RASGRP1: variants seen among roughly 807,000 people sequenced by gnomAD.
The protein encoded by RASGRP1 is RAS guanyl releasing protein 1.
Under a neutral mutation model 95.1 loss-of-function variants are expected in RASGRP1, and 37 were observed. The observed-to-expected ratio is 0.39, with a 90% CI of 0.30 to 0.51. RASGRP1 has a LOEUF of 0.51. Ranked by LOEUF, RASGRP1 falls within the 20% of genes least tolerant of loss-of-function variation. The probability of loss-of-function intolerance (pLI) is 0.80; values close to 1 mark genes in which losing one functional copy is unlikely to be tolerated. For missense variants in RASGRP1, 711 were observed against 965.4 expected, an observed-to-expected ratio of 0.74 and a Z score of 3.49; for synonymous variants, 325 against 353.4, an observed-to-expected ratio of 0.92 and a Z score of 0.90.
chr15:38,560,162 G>A (rs1307919320), intron 1 of RASGRP1, 157 bp from the exon 2 acceptor site: 4 of 688,430 alleles, frequency 5.8e-6, no homozygotes, highest in Admixed American at 4.7e-5. Context: ...CAAATGACTG[G>A]TTGGCTGTTA....
In RASGRP1 at chr15:38,488,758, A is replaced by G. The variant is rs950837754; in HGVS notation, c.*1796T>C. 6.6e-6 allele frequency: 1 copy of G among 152,130 alleles called. No homozygotes were observed. Among genetic ancestry groups the G allele is most frequent in the Non-Finnish European group, 1.5e-5 (1 of 67,874 alleles). The allele number at this position is 152,130 out of a possible 1,614,324, so 9.4% of individuals were successfully genotyped here. Reference sequence around the variant, plus strand: ...GGTCTATATCAATCAAAGGAAAACAAGAATAGTGAAGAATATGAATTTTTA... The same window carrying G: ...GGTCTATATCAATCAAAGGAAAACAGGAATAGTGAAGAATATGAATTTTTA... On this transcript the variant is annotated 3_prime_UTR_variant, in exon 17 of 17. Transcript: ENST00000310803.
Position 38,503,354 on chromosome 15 carries a change from G to A in RASGRP1, c.1346C>T (p.Pro449Leu). 1.2e-6 allele frequency: 2 copies of A among 1,611,082 alleles called. No individual in the cohort carries two copies. The highest frequency in any genetic ancestry group is 1.7e-4 in the Middle Eastern group (1 of 6,056). ...TCCAGAAGCCCAGTCCACTACTACT[G>A]GTGGCTTTGAAGGTGTTAGTGGCTA... ...RAPPLTPSKPPVVVDWASGVS... is the reference protein window; with the variant it reads ...RAPPLTPSKPLVVVDWASGVS... The change falls in exon 11 of 17, where the codon CCA becomes CTA. Residue 449 changes from proline to leucine, a missense_variant. Transcript: ENST00000310803.
intron 9 of RASGRP1, among the ~76,000 whole-genome samples, chr15:38,506,263 T>A (rs2141100542): frequency 6.6e-6 from 1 of 152,344 alleles, no homozygotes; most frequent in East Asian, 1.9e-4. Context: ...AAGGATGGTG[T>A]GTATAGTCTG....
rs1891001309 is a variant in RASGRP1, at chr15:38,501,081, G to C, written c.1683+62C>G. On this transcript the variant is annotated intron_variant, in intron 13 of 16. Coordinates refer to ENST00000310803, the MANE Select transcript of RASGRP1 (RefSeq NM_005739.4). ...CATAAGGATTGTGAGGTCTGTGCCT[G>C]TCTTAAAGTATCCCACACTCTTCCC... The C allele has an allele frequency of 2.0e-6, 3 of 1,498,996 alleles. No homozygotes were observed. In the East Asian group the frequency reaches 6.8e-5, roughly 34 times the overall value. 92.9% of individuals were successfully genotyped at this position (1,498,996 alleles called of 1,614,324 possible). A position where few individuals can be genotyped will look rare whatever the true frequency, so the allele number is the denominator to read the frequency against.
At chr15:38,501,791 C>G (rs1487781613) in intron 12 of RASGRP1, among the ~76,000 whole-genome samples, 6 of 151,200 alleles carry the variant, frequency 4.0e-5, no homozygotes, top group Admixed American at 1.3e-4. Context: ...GAAGACTAAA[C>G]TTTTTCTTAT....
chr15:38,491,714 T>C (rs967407792), intron 16 of RASGRP1, among the ~76,000 whole-genome samples: 1 of 152,220 alleles, frequency 6.6e-6, no homozygotes, highest in Non-Finnish European at 1.5e-5. Flanking sequence ...TTATACTTAA[T>C]GGGAAAGTGG....
chr15:38,506,011 A>G, intron 9 of RASGRP1, 91 bp from the exon 10 acceptor site: 1 of 1,038,744 alleles, frequency 9.6e-7, no homozygotes, highest in Non-Finnish European at 1.5e-6. Flanking sequence ...CCTTGCCAGT[A>G]GTTTACTCTT....
At chr15:38,504,016 C>T (rs1313021937) in intron 10 of RASGRP1, 1 of 152,238 alleles carries the variant, frequency 6.6e-6, no homozygotes, top group East Asian at 1.9e-4. Flanking sequence ...ATACTCAGTA[C>T]TGTAGGCAAT....
At chr15:38,493,695 G>C (rs1309871787) in intron 16 of RASGRP1, among the ~76,000 whole-genome samples, 1 of 152,100 alleles carries the variant, frequency 6.6e-6, no homozygotes, top group African/African-American at 2.4e-5. Flanking sequence ...ATATTCCACT[G>C]TGTGTTTGCC....
chr15:38,561,893 A>G (rs2141203234), intron 1 of RASGRP1, among the ~76,000 whole-genome samples: 1 of 152,332 alleles, frequency 6.6e-6, no homozygotes, highest in Middle Eastern at 3.4e-3. Context: ...AAAGCAAAAT[A>G]ATAATGGTGA....
At chr15:38,530,997 C>T (rs537788952) in intron 2 of RASGRP1, among the ~76,000 whole-genome samples, 1 of 152,218 alleles carries the variant, frequency 6.6e-6, no homozygotes, top group African/African-American at 2.4e-5. Context: ...TCAGCACTGT[C>T]TAATGATGGA....
rs148766586 is a variant in RASGRP1 at position 38,518,318 on chromosome 15, A to C, written c.495T>G (p.His165Gln). Reference protein sequence around the residue: ...ELVKAKGEELHCRLIDTTQIN... With the variant: ...ELVKAKGEELQCRLIDTTQIN... Reference sequence around the variant, plus strand: ...TTTGAGTTGTGTCAATCAGGCGGCAATGTAACTCCTCACCCTTAGCTTTCA... The same window carrying C: ...TTTGAGTTGTGTCAATCAGGCGGCACTGTAACTCCTCACCCTTAGCTTTCA... Residue 165 changes from histidine to glutamine, a missense_variant, in exon 5 of 17, where the codon CAT becomes CAG. Around this residue, in one of 3 missense-constraint regions of RASGRP1, gnomAD observed 491 missense variants for 676.6 expected, o/e 0.73. Coordinates refer to ENST00000310803, the MANE Select transcript of RASGRP1 (RefSeq NM_005739.4). The C allele has an allele frequency of 6.8e-6, 11 of 1,610,640 alleles. No individual in the cohort carries two copies. The highest frequency in any genetic ancestry group is 9.3e-6 in the Non-Finnish European group (11 of 1,178,496).
chr15:38,501,046 G>T, intron 13 of RASGRP1, 97 bp downstream of exon 13: 1 of 1,358,816 alleles, frequency 7.4e-7, no homozygotes, highest in East Asian at 2.4e-5. Context: ...GCTCCAAGCT[G>T]GGATGGGTTC....
intron 1 of RASGRP1, 92 bp downstream of exon 1, chr15:38,564,501 CA>C: frequency 8.3e-7 from 1 of 1,209,732 alleles, no homozygotes. Flanking sequence ...CCTCCGCCCT[CA>C]ACTTCCCTCG....
Position 38,503,419 on chromosome 15 carries a change from A to G in RASGRP1, c.1324-43T>C, listed in dbSNP as rs554278056. 1.3e-5 allele frequency: 18 copies of G among 1,376,442 alleles called. No homozygotes were observed. In the Admixed American group the frequency reaches 1.5e-4, roughly 12 times the overall value. The allele number at this position is 1,376,442 out of a possible 1,614,324, so 85.3% of individuals were successfully genotyped here. On this transcript the variant is annotated intron_variant, in intron 10 of 16. Transcript: ENST00000310803. ...GAGAAATCCTCATGACTACAATGCAATATTATAACCTATAGCTCTTTCTTT... is the reference window on the plus strand; with the variant it reads ...GAGAAATCCTCATGACTACAATGCAGTATTATAACCTATAGCTCTTTCTTT...
intron 6 of RASGRP1, among the ~76,000 whole-genome samples, chr15:38,515,967 G>C (rs28597773): frequency 0.12 from 17,494 of 151,352 alleles, 1,357 homozygotes; most frequent in South Asian, 0.2. Flanking sequence ...GTGAGTGGTG[G>C]GATGGTATGG....
chr15:38,546,697 C>G (rs1893119757), intron 2 of RASGRP1, among the ~76,000 whole-genome samples: 1 of 152,178 alleles, frequency 6.6e-6, no homozygotes. Flanking sequence ...AGAATGGAGG[C>G]ATTACTCCCT....
chr15:38,517,660 G>A (rs1041418411), intron 5 of RASGRP1, among the ~76,000 whole-genome samples: 1 of 152,088 alleles, frequency 6.6e-6, no homozygotes, highest in Non-Finnish European at 1.5e-5. Context: ...ATCAGTTCTA[G>A]AATTCTATTT....
At chr15:38,510,627 C>T (rs1891471653) in intron 8 of RASGRP1, among the ~76,000 whole-genome samples, 1 of 152,240 alleles carries the variant, frequency 6.6e-6, no homozygotes, top group African/African-American at 2.4e-5. Context: ...CCATGCCATA[C>T]ATTTATATCC....
Sources: allele counts gnomAD v4.1 joint callset (sites outside exome capture counted in the v4.1 genomes callset), GRCh38; gene constraint gnomAD v4.1.1; regional missense constraint gnomAD v4.1.1; transcripts MANE v1.5; gene names NCBI Gene and HGNC (gene_info 2026-07-23, HGNC 2026-07-21).